The following ZSCAN5A variants were observed in gnomAD, a reference collection of about 807,000 sequenced individuals.
ZSCAN5A encodes the protein zinc finger and SCAN domain containing 5A, also known as zinc finger and SCAN domain-containing protein 5A.
In ZSCAN5A, 12 loss-of-function variants were observed where a neutral mutation model predicts 23.7. That is an observed-to-expected ratio of 0.51 (90% CI 0.32 to 0.82). ZSCAN5A has a LOEUF of 0.82. Among genes scored for constraint, ZSCAN5A ranks in the 40% least tolerant of loss-of-function variants. The pLI, the probability that ZSCAN5A is intolerant of heterozygous loss-of-function variation, is 0.03. For missense variants in ZSCAN5A, 597 were observed against 617.9 expected (o/e 0.97, Z 0.36); for synonymous variants, 257 against 239.9 (o/e 1.07, Z -0.66).
chr19:56,257,770 G>A (rs898534136), intron 2 of ZSCAN5A, among the ~76,000 whole-genome samples: 1 of 132,014 alleles, frequency 7.6e-6, no homozygotes, highest in South Asian at 2.6e-4. Flanking sequence ...AGACACAGGC[G>A]CCAGGGGACT....
chr19:56,231,379 A>C (rs965095009), intron 2 of ZSCAN5A, among the ~76,000 whole-genome samples: 1 of 152,248 alleles, frequency 6.6e-6, no homozygotes, highest in Non-Finnish European at 1.5e-5. Flanking sequence ...GTAAATTTAT[A>C]AAGTTAATAA....
intron 2 of ZSCAN5A, among the ~76,000 whole-genome samples, chr19:56,275,234 A>G (rs2038159588): frequency 6.6e-6 from 1 of 152,096 alleles, no homozygotes; most frequent in South Asian, 2.1e-4. Context: ...TTCTCCTCCA[A>G]TTTTTGCCCA....
chr19:56,269,845 C>T (rs939023350), intron 2 of ZSCAN5A, among the ~76,000 whole-genome samples: 1 of 152,156 alleles, frequency 6.6e-6, no homozygotes, highest in African/African-American at 2.4e-5. Context: ...GTAGCTTTAC[C>T]AAGGCTTTTC....
At chr19:56,244,114 G>A in intron 2 of ZSCAN5A, 1 of 1,544,192 alleles carries the variant, frequency 6.5e-7, no homozygotes, top group Non-Finnish European at 8.9e-7. Context: ...AGCCGCCACA[G>A]TCTGTGGCTT....
intron 2 of ZSCAN5A, among the ~76,000 whole-genome samples, chr19:56,311,171 A>T (rs2041012480): frequency 6.6e-6 from 1 of 152,204 alleles, no homozygotes; most frequent in Non-Finnish European, 1.5e-5. Flanking sequence ...AGACACAGGC[A>T]TGCTTGCAAA....
chr19:56,239,423 A>G (rs1267523716), intron 2 of ZSCAN5A, among the ~76,000 whole-genome samples: 1 of 152,172 alleles, frequency 6.6e-6, no homozygotes, highest in Non-Finnish European at 1.5e-5. Context: ...TTCACACCTA[A>G]CATTAAGGCT....
intron 2 of ZSCAN5A, among the ~76,000 whole-genome samples, chr19:56,311,642 ATAGAGG>A (rs1224979020): frequency 6.6e-6 from 1 of 152,232 alleles, no homozygotes; most frequent in African/African-American, 2.4e-5. Context: ...AGTTTGCCTC[ATAGAGG>A]TAAAGTTTAA....
chr19:56,350,009 T>C lies in ZSCAN5A; in HGVS notation c.-358+13226A>G, dbSNP rs1246359958. On this transcript the variant is annotated intron_variant, in intron 2 of 6. Coordinates refer to the ZSCAN5A transcript ENST00000587340. ...TGAAAATTATTTACTATGCCACTCT[T>C]GTGAAAATTGTTCTAGTCAAGCTAC... Among the ~76,000 whole-genome samples the C allele has an allele frequency of 2.0e-5, 3 of 152,214 alleles. No individual in the cohort carries two copies. In the East Asian group the frequency reaches 5.8e-4, roughly 29 times the overall value.
At chr19:56,337,254 T>A (rs912105030) in intron 2 of ZSCAN5A, among the ~76,000 whole-genome samples, 1 of 152,218 alleles carries the variant, frequency 6.6e-6, no homozygotes, top group African/African-American at 2.4e-5. Flanking sequence ...CCCGGCCACT[T>A]TATTTACCTA....
At chr19:56,268,615 T>C (rs1014977158) in intron 2 of ZSCAN5A, among the ~76,000 whole-genome samples, 5 of 152,374 alleles carry the variant, frequency 3.3e-5, no homozygotes, top group African/African-American at 1.2e-4. Flanking sequence ...TTTCTACATT[T>C]AAAACTTTTT....
chr19:56,263,307 T>C (rs2037249430), intron 2 of ZSCAN5A: 1 of 152,358 alleles, frequency 6.6e-6, no homozygotes, highest in South Asian at 2.1e-4. Context: ...TTATGAGGAA[T>C]AGCCCTCCAA....
intron 2 of ZSCAN5A, among the ~76,000 whole-genome samples, chr19:56,236,884 G>A (rs920047876): frequency 2.7e-5 from 4 of 146,318 alleles, no homozygotes; most frequent in East Asian, 2.1e-4. Context: ...TCTGATGGAC[G>A]GTGGGCCAAG....
chr19:56,260,061 T>C (rs1370834162), intron 2 of ZSCAN5A, among the ~76,000 whole-genome samples: 1 of 152,138 alleles, frequency 6.6e-6, no homozygotes, highest in East Asian at 1.9e-4. Flanking sequence ...TGAAACAATA[T>C]CGGCAAGGAG....
intron 2 of ZSCAN5A, among the ~76,000 whole-genome samples, chr19:56,302,544 C>CCTTTTCTTCCTCTCCCT (rs746194893): frequency 1.7e-4 from 10 of 58,736 alleles, no homozygotes; most frequent in East Asian, 7.0e-4. Flanking sequence ...TCTTCCTCCC[C>CCTTTTCTTCCTCTCCCT]GTTCCTCCCT....
At chr19:56,241,744 C>A (rs891242223) in intron 2 of ZSCAN5A, among the ~76,000 whole-genome samples, 40 of 152,200 alleles carry the variant, frequency 2.6e-4, no homozygotes, top group African/African-American at 9.6e-4. Flanking sequence ...CCCATCCCAG[C>A]CCTGGTAACC....
At chr19:56,259,118 T>C (rs922153737) in intron 2 of ZSCAN5A, among the ~76,000 whole-genome samples, 3 of 152,196 alleles carry the variant, frequency 2.0e-5, no homozygotes, top group Non-Finnish European at 4.4e-5. Context: ...AAAAGCACTG[T>C]TGTTCTGAGT....
intron 2 of ZSCAN5A, among the ~76,000 whole-genome samples, chr19:56,280,165 T>C (rs2038580812): frequency 6.6e-6 from 1 of 152,206 alleles, no homozygotes; most frequent in South Asian, 2.1e-4. Context: ...TGTTTCTATT[T>C]TTACAAAAAA....
intron 2 of ZSCAN5A, among the ~76,000 whole-genome samples, chr19:56,273,715 G>A (rs2038028441): frequency 1.3e-5 from 2 of 152,150 alleles, no homozygotes; most frequent in Admixed American, 6.5e-5. Flanking sequence ...GGGGCATGGT[G>A]GTGAGACTGT....
At chr19:56,228,117 A>G (rs2034126999) in intron 2 of ZSCAN5A, 2 of 497,370 alleles carry the variant, frequency 4.0e-6, no homozygotes, top group East Asian at 1.5e-4. Context: ...AGAGTTAATC[A>G]TGGGGTGCAA....
Sources: gnomAD v4.1 joint callset for allele counts (sites outside exome capture counted in the v4.1 genomes callset) on GRCh38, gnomAD v4.1.1 for gene constraint, MANE v1.5 for transcripts, NCBI Gene and HGNC (gene_info 2026-07-23, HGNC 2026-07-21) for gene names.